IRS4: variants seen among roughly 807,000 people sequenced by gnomAD.
IRS4 encodes insulin receptor substrate 4, also known as 160 kDa phosphotyrosine protein.
Under a neutral mutation model 48.6 loss-of-function variants are expected in IRS4, and 15 were observed. The observed-to-expected ratio is 0.31, with a 90% CI of 0.21 to 0.48. IRS4 has a LOEUF of 0.48. Ranked by LOEUF, IRS4 falls within the 20% of genes least tolerant of loss-of-function variation. The pLI is 0.99. For synonymous variants in IRS4, 459 were observed against 413.2 expected (o/e 1.11, Z -1.34); for missense variants, 987 against 1,023.4 (o/e 0.96, Z 0.49).
At position 108,732,733 on chromosome X, in the gene IRS4, G is replaced by T; in HGVS notation, c.3612C>A (p.Gly1204=). 8.3e-7 allele frequency: 1 copy of T among 1,211,271 alleles called. No individual in the cohort carries two copies. The highest frequency in any genetic ancestry group is 1.8e-5 in the South Asian group (1 of 56,911). The part of the protein sequence containing the change: ...ANLARGDNQA[G]GAAAAAAAPE... ...GAGCGGCAGCTGCAGCGGCAGCCCC[G>T]CCAGCCTGGTTATCACCTCTGGCAA... The change falls in exon 1 of 2, where the codon GGC becomes GGA. Residue 1204 remains glycine (G), a synonymous_variant. Coordinates refer to ENST00000372129, the MANE Select transcript of IRS4 (RefSeq NM_001379150.1).
At position 108,732,914 on chromosome X, in the gene IRS4, G is replaced by A. The variant is rs45602935; in HGVS notation, c.3431C>T (p.Pro1144Leu). The change falls in exon 1 of 2, where the codon CCG (proline) becomes CTG (leucine). Residue 1144 changes from proline to leucine, a missense_variant. This residue lies in a region of IRS4 where 720 missense variants were observed against 660.3 expected (regional missense o/e 1.09). Coordinates refer to ENST00000372129, the MANE Select transcript of IRS4 (RefSeq NM_001379150.1). Reference protein sequence around the residue: ...VAAASALAAAPGIGAAAAAAG... With the variant: ...VAAASALAAALGIGAAAAAAG... ...AGCTGCGGCTGCTGCGCCGATGCCC[G>A]GGGCTGCGGCGAGCGCGGAGGCCGC... 1.9e-5 allele frequency: 22 copies of A among 1,173,827 alleles called. No individual in the cohort carries two copies. Among genetic ancestry groups the A allele is most frequent in the South Asian group, 5.8e-5 (3 of 51,824 alleles).
chrX:108,735,587 A>T lies in IRS4; in HGVS notation c.758T>A (p.Val253Glu). The change falls in exon 1 of 2, where the codon GTG (valine) becomes GAG (glutamate). Residue 253 changes from valine to glutamate, a missense_variant. By Grantham distance (121) the Val-to-Glu change is moderately radical. Transcript: ENST00000372129. The part of the protein sequence containing the change: ...GLGHRKELSG[V>E]FRLCLTDEEV... The stretch of plus-strand genomic sequence containing the variant: ...CTCGTCGGTTAGACACAGCCGGAAC[A>T]CGCCGCTCAGCTCTTTTCTGTGCCC... The T allele has an allele frequency of 8.3e-7, 1 of 1,209,666 alleles. No homozygotes were observed. Among genetic ancestry groups the T allele is most frequent in the Non-Finnish European group, 1.1e-6 (1 of 894,933 alleles).
At position 108,733,881 on chromosome X, in the gene IRS4, G is replaced by C. The variant is rs1971817017; in HGVS notation, c.2464C>G (p.Gln822Glu). 8.3e-7 allele frequency: 1 copy of C among 1,209,520 alleles called. No homozygotes were observed. The highest frequency in any genetic ancestry group is 1.1e-6 in the Non-Finnish European group (1 of 895,175). ...PNPFRSSPLG[Q>E]NDNSEYVPML... ...GGCACATACTCACTGTTGTCATTCT[G>C]TCCCAAAGGTGAGCTCCGAAAAGGG... The change falls in exon 1 of 2, where the codon CAG becomes GAG. Residue 822 changes from glutamine to glutamate, a missense_variant. Physicochemically the swap from Gln to Glu is conservative, Grantham distance 29. This residue lies in a region of IRS4 where 720 missense variants were observed against 660.3 expected (regional missense o/e 1.09). Transcript: ENST00000372129.
chrX:108,733,224 C>T lies in IRS4; in HGVS notation c.3121G>A (p.Glu1041Lys). The change falls in exon 1 of 2, where the codon GAA (glutamate) becomes AAA (lysine). Residue 1041 changes from glutamate (E) to lysine (K), a missense_variant. Glu to Lys is a moderately conservative substitution (Grantham distance 56, BLOSUM62 1). Around this residue, in one of 4 missense-constraint regions of IRS4, gnomAD observed 720 missense variants for 660.3 expected, o/e 1.09. Coordinates refer to ENST00000372129, the MANE Select transcript of IRS4 (RefSeq NM_001379150.1). Reference sequence around the variant, plus strand: ...TCGACCACATAGATTCGACCTGTTTCAGCATCATAGCGAATGGCACTGTCA... The same window carrying T: ...TCGACCACATAGATTCGACCTGTTTTAGCATCATAGCGAATGGCACTGTCA... ...LADSAIRYDA[E>K]TGRIYVVDPF... The T allele has an allele frequency of 8.3e-7, 1 of 1,211,916 alleles. No homozygotes were observed. Among genetic ancestry groups the T allele is most frequent in the Non-Finnish European group, 1.1e-6 (1 of 895,571 alleles).
chrX:108,733,244 C>A lies in IRS4; in HGVS notation c.3101G>T (p.Ser1034Ile). The change falls in exon 1 of 2, where the codon AGT (serine) becomes ATT (isoleucine). Residue 1034 changes from serine (S) to isoleucine (I), a missense_variant. By Grantham distance (142) the Ser-to-Ile change is moderately radical. This residue lies in a region of IRS4 where 720 missense variants were observed against 660.3 expected (regional missense o/e 1.09). Coordinates refer to ENST00000372129, the MANE Select transcript of IRS4 (RefSeq NM_001379150.1). ...AMTPAMALADSAIRYDAETGR... is the reference protein window; with the variant it reads ...AMTPAMALADIAIRYDAETGR... ...TGTTTCAGCATCATAGCGAATGGCA[C>A]TGTCAGCAAGAGCCATGGCTGGTGT... 1 of 1,211,867 alleles carries A rather than the reference C, an allele frequency of 8.3e-7. No individual in the cohort carries two copies. The highest frequency in any genetic ancestry group is 1.1e-6 in the Non-Finnish European group (1 of 895,574).
chrX:108,736,066 C>A lies in IRS4; in HGVS notation c.279G>T (p.Arg93Ser). 8.3e-7 allele frequency: 1 copy of A among 1,210,853 alleles called. No individual in the cohort carries two copies. The change falls in exon 1 of 2, where the codon AGG (arginine) becomes AGT (serine). Residue 93 changes from arginine (R) to serine (S), a missense_variant. Arg to Ser is a moderately radical substitution (Grantham distance 110). Transcript: ENST00000372129. ...GYLRKQKHGH[R>S]RYFVLKLETA... Reference sequence around the variant, plus strand: ...TCTCGAGTTTGAGCACGAAGTAGCGCCTGTGCCCATGCTTCTGTTTCCGCA... The same window carrying A: ...TCTCGAGTTTGAGCACGAAGTAGCGACTGTGCCCATGCTTCTGTTTCCGCA...
Position 108,732,754 on chromosome X carries a change from G to A in IRS4, c.3591C>T (p.Ala1197=). The A allele has an allele frequency of 8.3e-7, 1 of 1,209,078 alleles. No individual in the cohort carries two copies. The part of the protein sequence containing the change: ...PGAHNPSANL[A]RGDNQAGGAA... ...CCCCGCCAGCCTGGTTATCACCTCT[G>A]GCAAGGTTTGCAGATGGGTTGTGGG... The change falls in exon 1 of 2, where the codon GCC becomes GCT. Residue 1197 remains alanine (A), a synonymous_variant. Transcript: ENST00000372129.
At chrX:108,724,171 C>T (rs2068865469) in intron 1 of IRS4, 2 of 111,758 alleles carry the variant, frequency 1.8e-5, no homozygotes, top group Admixed American at 1.9e-4. Flanking sequence ...TATAACTACC[C>T]TATTGGCATT....
At chrX:108,723,167 A>C (rs2068861701) in intron 1 of IRS4, 1 of 111,824 alleles carries the variant, frequency 8.9e-6, no homozygotes, top group Non-Finnish European at 1.9e-5. Context: ...GGAATAAATG[A>C]TCAGCAAATT....
At chrX:108,726,957 A>C (rs1016286012) in intron 1 of IRS4, 1 of 112,035 alleles carries the variant, frequency 8.9e-6, no homozygotes, top group African/African-American at 3.2e-5. Context: ...GTGTACTGGG[A>C]GTGATCAACA....
chrX:108,728,095 T>G (rs771824209), intron 1 of IRS4, among the ~76,000 whole-genome samples: 31 of 112,525 alleles, frequency 2.8e-4, no homozygotes, highest in African/African-American at 8.7e-4. Flanking sequence ...ATTTACTGAA[T>G]GCACCCTCAA....
chrX:108,734,069 G>A lies in IRS4; in HGVS notation c.2276C>T (p.Pro759Leu). Residue 759 changes from proline to leucine, a missense_variant, in exon 1 of 2, where the codon CCA (proline) becomes CTA (leucine). By Grantham distance (98) the Pro-to-Leu change is moderately conservative. Around this residue, in one of 4 missense-constraint regions of IRS4, gnomAD observed 720 missense variants for 660.3 expected, o/e 1.09. Coordinates refer to ENST00000372129, the MANE Select transcript of IRS4 (RefSeq NM_001379150.1). The stretch of plus-strand genomic sequence containing the variant: ...CTCTTTATTAGTATCAGGTGCTTTT[G>A]GAGGACTCGGAGCAGGTGGTGGGCT... ...RVSPPPAPSP[P>L]KAPDTNKEDD... 8.3e-7 allele frequency: 1 copy of A among 1,211,439 alleles called. No individual in the cohort carries two copies. Among genetic ancestry groups the A allele is most frequent in the Non-Finnish European group, 1.1e-6 (1 of 895,402 alleles).
In IRS4 at chrX:108,733,762, C is replaced by G. The variant is rs1472812014; in HGVS notation, c.2583G>C (p.Glu861Asp). 2 of 1,211,908 alleles carry G rather than the reference C, an allele frequency of 1.7e-6. No individual in the cohort carries two copies. The highest frequency in any genetic ancestry group is 4.3e-5 in the Admixed American group (2 of 46,080). The part of the protein sequence containing the change: ...PKDAASKPSG[E>D]GSFSKPGDGG... The stretch of plus-strand genomic sequence containing the variant: ...CATCTCCAGGCTTTGAGAATGATCC[C>G]TCACCTGAAGGCTTTGAAGCTGCAT... Residue 861 changes from glutamate to aspartate, a missense_variant, in exon 1 of 2, where the codon GAG becomes GAC. Physicochemically the swap from Glu to Asp is conservative, Grantham distance 45. Transcript: ENST00000372129.
chrX:108,726,310 G>A (rs1603334827), intron 1 of IRS4: 2 of 112,136 alleles, frequency 1.8e-5, no homozygotes, highest in South Asian at 3.7e-4. Flanking sequence ...GAAGATGTAT[G>A]TGAAGTTTCA....
chrX:108,734,149 G>A lies in IRS4; in HGVS notation c.2196C>T (p.His732=). The A allele has an allele frequency of 8.3e-7, 1 of 1,211,441 alleles. No individual in the cohort carries two copies. The highest frequency in any genetic ancestry group is 1.8e-5 in the South Asian group (1 of 56,939). ...TTGAATCTTCAAAAGGGGATCGAGA[G>A]TGGCGCTTTTTTGAAGCAGAGACAT... ...PQNVSASKKR[H]SRSPFEDSRG... is the part of the protein sequence containing the mutation. Residue 732 remains histidine, a synonymous_variant, in exon 1 of 2, where the codon CAC becomes CAT. Transcript: ENST00000372129.
rs2068956670 is a variant in IRS4, at chrX:108,736,559, G to T, written c.-215C>A. The stretch of plus-strand genomic sequence containing the variant: ...GGCCGCTGCGGATCCTGCTACCGGC[G>T]CAATGGAGGGGCGCGAGCGGCCACC... On this transcript the variant is annotated 5_prime_UTR_variant, in exon 1 of 2. Coordinates refer to ENST00000372129, the MANE Select transcript of IRS4 (RefSeq NM_001379150.1). The T allele has an allele frequency of 1.7e-6, 1 of 582,414 alleles. No homozygotes were observed. Among genetic ancestry groups the T allele is most frequent in the Non-Finnish European group, 2.7e-6 (1 of 375,250 alleles). 48.0% of individuals were successfully genotyped at this position (582,414 alleles called of 1,213,427 possible).
In IRS4 at chrX:108,721,763, T is replaced by A. The variant is rs183656073; in HGVS notation, c.*756A>T. 8.9e-6 allele frequency: 1 copy of A among 111,869 alleles called. No individual in the cohort carries two copies. Among genetic ancestry groups the A allele is most frequent in the Admixed American group, 9.5e-5 (1 of 10,560 alleles). The allele number at this position is 111,869 out of a possible 1,213,427, so 9.2% of individuals were successfully genotyped here. A position where few individuals can be genotyped will look rare whatever the true frequency, so the allele number is the denominator to read the frequency against. ...TAGGTTTGGAAATACTCAATCGATT[T>A]TCAGGCAGAACATCACAGTGTTGTA... On this transcript the variant is annotated 3_prime_UTR_variant, in exon 2 of 2. Transcript: ENST00000372129.
rs202096691 is a variant in IRS4, at chrX:108,735,330, G to A, written c.1015C>T (p.Arg339Cys). ...RALCADEYRA[R>C]CRSYSISIGA... ...ATGCTGATGCTGTAGCTGCGGCAGCGGGCTCTGTATTCGTCTGCACACAAG... is the reference window on the plus strand; with the variant it reads ...ATGCTGATGCTGTAGCTGCGGCAGCAGGCTCTGTATTCGTCTGCACACAAG... Residue 339 changes from arginine to cysteine, a missense_variant, in exon 1 of 2, where the codon CGC (arginine) becomes TGC (cysteine). Arg to Cys is a radical substitution (Grantham distance 180). Transcript: ENST00000372129. 10 of 1,209,438 alleles carry A rather than the reference G, an allele frequency of 8.3e-6. No individual in the cohort carries two copies. Among genetic ancestry groups the A allele is most frequent in the Non-Finnish European group, 1.1e-5 (10 of 895,080 alleles).
rs923588671 is a variant in IRS4, at chrX:108,721,916, A to T, written c.*603T>A. The T allele has an allele frequency of 2.7e-5, 3 of 111,690 alleles. No individual in the cohort carries two copies. Among genetic ancestry groups the T allele is most frequent in the Non-Finnish European group, 1.9e-5 (1 of 53,155 alleles). 9.2% of individuals were successfully genotyped at this position (111,690 alleles called of 1,213,427 possible). On this transcript the variant is annotated 3_prime_UTR_variant, in exon 2 of 2. Coordinates refer to ENST00000372129, the MANE Select transcript of IRS4 (RefSeq NM_001379150.1). Reference sequence around the variant, plus strand: ...TTTGCTAATGAGCAAAACTTGAAATAATCTGCCCTTTAGTCCTGCCTTTAA... The same window carrying T: ...TTTGCTAATGAGCAAAACTTGAAATTATCTGCCCTTTAGTCCTGCCTTTAA...
Sources: allele counts gnomAD v4.1 joint callset (sites outside exome capture counted in the v4.1 genomes callset), GRCh38; gene constraint gnomAD v4.1.1; regional missense constraint gnomAD v4.1.1; transcripts MANE v1.5; gene names NCBI Gene and HGNC (gene_info 2026-07-23, HGNC 2026-07-21).